The following LDAH variants were observed in gnomAD, a reference collection of about 807,000 sequenced individuals.
LDAH encodes the protein lipid droplet associated hydrolase.
A neutral mutation model predicts 29.6 loss-of-function variants in LDAH; 26 were observed. That is an observed-to-expected ratio of 0.88 (90% CI 0.64 to 1.22). The LOEUF (loss-of-function observed/expected upper bound fraction) is 1.22, where lower values mean the gene tolerates loss of function less well. Among genes scored for constraint, LDAH ranks in the 50% most tolerant of loss-of-function variants. The pLI is 0.00. For synonymous variants in LDAH, 117 were observed against 133.0 expected (o/e 0.88, Z 0.83); for missense variants, 344 against 387.3 (o/e 0.89, Z 0.94).
intron 2 of LDAH, among the ~76,000 whole-genome samples, chr2:20,793,769 A>AAAGT (rs1322516481): frequency 7.1e-6 from 1 of 141,536 alleles, no homozygotes; most frequent in African/African-American, 3.2e-5. Flanking sequence ...CAACTTAGAT[A>AAAGT]AAATAAACTT....
At chr2:20,703,664 A>G (rs1439775198) in intron 5 of LDAH, among the ~76,000 whole-genome samples, 1 of 151,976 alleles carries the variant, frequency 6.6e-6, no homozygotes, top group East Asian at 1.9e-4. Context: ...ACTCTACTCA[A>G]TATTTTTCTG....
At chr2:20,734,248 A>G (rs768608966) in intron 5 of LDAH, among the ~76,000 whole-genome samples, 1 of 152,158 alleles carries the variant, frequency 6.6e-6, no homozygotes, top group Non-Finnish European at 1.5e-5. Flanking sequence ...CATGTTTTCT[A>G]ATCTACCCTG....
chr2:20,724,601 A>C (rs994314214), intron 5 of LDAH, among the ~76,000 whole-genome samples: 6 of 152,202 alleles, frequency 3.9e-5, no homozygotes, highest in African/African-American at 1.4e-4. Context: ...TGGTAAGCCA[A>C]GCTGGCAGGT....
At chr2:20,797,577 T>C (rs989572091) in intron 2 of LDAH, among the ~76,000 whole-genome samples, 1 of 152,098 alleles carries the variant, frequency 6.6e-6, no homozygotes, top group Non-Finnish European at 1.5e-5. Flanking sequence ...CTCTCAGTCC[T>C]AGGCAAGCTA....
chr2:20,714,295 G>A (rs1664993429), intron 5 of LDAH, among the ~76,000 whole-genome samples: 2 of 152,146 alleles, frequency 1.3e-5, no homozygotes, highest in African/African-American at 4.8e-5. Context: ...GGTAAATAAT[G>A]AAATGAAGGC....
intron 1 of LDAH, among the ~76,000 whole-genome samples, chr2:20,819,822 T>C (rs547888417): frequency 1.6e-4 from 25 of 152,306 alleles, no homozygotes; most frequent in African/African-American, 6.0e-4. Context: ...GGAAGTCAAA[T>C]TGTCCCTGTT....
intron 5 of LDAH, among the ~76,000 whole-genome samples, chr2:20,738,964 T>C (rs943146375): frequency 2.6e-5 from 4 of 152,368 alleles, no homozygotes; most frequent in African/African-American, 9.6e-5. Context: ...TCAGGAGTCC[T>C]GCTGTTATCA....
chr2:20,766,948 G>A (rs1669084243), intron 4 of LDAH, among the ~76,000 whole-genome samples: 1 of 152,188 alleles, frequency 6.6e-6, no homozygotes, highest in African/African-American at 2.4e-5. Context: ...CTGTCCCCAG[G>A]GTCTGCCCTG....
chr2:20,718,742 C>A (rs946078499), intron 5 of LDAH, among the ~76,000 whole-genome samples: 1 of 152,076 alleles, frequency 6.6e-6, no homozygotes, highest in African/African-American at 2.4e-5. Context: ...GGAACATTCT[C>A]CAGCATAGGG....
At chr2:20,751,572 A>G (rs619562) in intron 4 of LDAH, among the ~76,000 whole-genome samples, 101,478 of 152,118 alleles carry the variant, frequency 0.67, 34,496 homozygotes, top group East Asian at 0.87. Context: ...GTCTTATGAG[A>G]GTAAATGCCC....
At chr2:20,792,904 G>T (rs955410310) in intron 2 of LDAH, among the ~76,000 whole-genome samples, 3 of 152,034 alleles carry the variant, frequency 2.0e-5, no homozygotes, top group Non-Finnish European at 2.9e-5. Flanking sequence ...ATGTATCCCA[G>T]AACTTAACAT....
At chr2:20,793,754 T>C (rs1245096712) in intron 2 of LDAH, among the ~76,000 whole-genome samples, 1 of 148,240 alleles carries the variant, frequency 6.7e-6, no homozygotes, top group Non-Finnish European at 1.5e-5. Context: ...TAGCAATACA[T>C]TTAGCAACTT....
intron 1 of LDAH, among the ~76,000 whole-genome samples, chr2:20,820,254 GA>G (rs1177321243): frequency 3.3e-5 from 5 of 150,252 alleles, no homozygotes; most frequent in Admixed American, 1.3e-4. Context: ...CATGGAATTG[GA>G]AAAAACTACT....
At chr2:20,709,278 C>CA (rs1351182730) in intron 5 of LDAH, among the ~76,000 whole-genome samples, 3 of 151,896 alleles carry the variant, frequency 2.0e-5, no homozygotes, top group African/African-American at 7.3e-5. Context: ...GTCCCATTCC[C>CA]AAAATATCTC....
At position 20,698,715 on chromosome 2, in the gene LDAH, A is replaced by C. The variant is rs1024074767; in HGVS notation, c.786+2855T>G. On this transcript the variant is annotated intron_variant, in intron 6 of 6. Transcript: ENST00000237822. The surrounding 1 kb of genome is among the most constrained non-coding windows in gnomAD (Gnocchi z 4.4). ...AAAAAGGAAAAAGAAATAACCTATGATGCCATAAACCATGGTATACTCCTT... is the reference window on the plus strand; with the variant it reads ...AAAAAGGAAAAAGAAATAACCTATGCTGCCATAAACCATGGTATACTCCTT... Among the ~76,000 whole-genome samples, 1 of 152,188 alleles carries C rather than the reference A, an allele frequency of 6.6e-6. No homozygotes were observed. Among genetic ancestry groups the C allele is most frequent in the Admixed American group, 6.5e-5 (1 of 15,272 alleles).
In LDAH at chr2:20,684,919, T is replaced by C; in HGVS notation, c.*1984A>G. On this transcript the variant is annotated 3_prime_UTR_variant, in exon 7 of 7. Coordinates refer to ENST00000237822, the MANE Select transcript of LDAH (RefSeq NM_021925.4). ...CTTCAGTCTCTTGAAATCTGATTCT[T>C]CCACCTATGAAAAAAGCAATGAGAA... 6.5e-7 allele frequency: 1 copy of C among 1,550,018 alleles called. No individual in the cohort carries two copies. Among genetic ancestry groups the C allele is most frequent in the Non-Finnish European group, 8.7e-7 (1 of 1,146,764 alleles).
chr2:20,789,238 G>A (rs1471490184), intron 3 of LDAH: 1 of 1,550,552 alleles, frequency 6.4e-7, no homozygotes, highest in Admixed American at 2.0e-5. Context: ...AGGGGTCTTT[G>A]GGAAGTAATT....
At chr2:20,721,441 A>G (rs114389794) in intron 5 of LDAH, among the ~76,000 whole-genome samples, 2,060 of 152,286 alleles carry the variant, frequency 0.014, 48 homozygotes, top group African/African-American at 0.047. Context: ...TTCACTATAT[A>G]CTGCTTGGGT....
chr2:20,789,020 A>G, intron 3 of LDAH: 4 of 1,105,012 alleles, frequency 3.6e-6, no homozygotes, highest in Non-Finnish European at 5.2e-6. Context: ...AGTCCCTCTC[A>G]AACTGGCCCT....
Sources: allele counts gnomAD v4.1 joint callset (sites outside exome capture counted in the v4.1 genomes callset), GRCh38; gene constraint gnomAD v4.1.1; non-coding constraint Gnocchi (gnomAD v3.1); transcripts MANE v1.5; gene names NCBI Gene and HGNC (gene_info 2026-07-23, HGNC 2026-07-21).